PRKCH: variants seen among roughly 807,000 people sequenced by gnomAD.
The protein encoded by PRKCH is protein kinase C eta type.
PRKCH carries 28 observed loss-of-function variants against 82.5 expected under a neutral mutation model. The observed-to-expected ratio is 0.34, with a 90% CI of 0.25 to 0.47. The LOEUF (loss-of-function observed/expected upper bound fraction) is 0.47. PRKCH is among the 20% of genes least tolerant of loss of function. The pLI is 1.00. For synonymous variants in PRKCH, 322 were observed against 327.4 expected, an observed-to-expected ratio of 0.98 and a Z score of 0.18; for missense variants, 705 against 881.8, an observed-to-expected ratio of 0.80 and a Z score of 2.54.
At chr14:61,210,565 TATC>T (rs1381131709) in intron 1 of PRKCH, among the ~76,000 whole-genome samples, 3 of 152,170 alleles carry the variant, frequency 2.0e-5, no homozygotes, top group South Asian at 2.1e-4. Flanking sequence ...ATTCTGTACT[TATC>T]ATGATAACCT....
chr14:61,461,439 A>G (rs990693121), intron 9 of PRKCH, among the ~76,000 whole-genome samples: 1 of 152,190 alleles, frequency 6.6e-6, no homozygotes, highest in African/African-American at 2.4e-5. Context: ...CATGAACACC[A>G]TGAGTCAAGC....
chr14:61,209,259 T>C (rs1300065724), intron 1 of PRKCH, among the ~76,000 whole-genome samples: 1 of 147,778 alleles, frequency 6.8e-6, no homozygotes, highest in Non-Finnish European at 1.5e-5. Flanking sequence ...TTACCCAGCC[T>C]GTGGTATTCT....
At chr14:61,451,268 A>C (rs888791626) in intron 6 of PRKCH, among the ~76,000 whole-genome samples, 1 of 152,202 alleles carries the variant, frequency 6.6e-6, no homozygotes, top group African/African-American at 2.4e-5. Flanking sequence ...TGGAAGAGAA[A>C]AAGATGGGAT....
chr14:61,519,812 A>C (rs2042879019), intron 10 of PRKCH, among the ~76,000 whole-genome samples: 2 of 152,164 alleles, frequency 1.3e-5, no homozygotes, highest in Admixed American at 6.5e-5. Flanking sequence ...GGGCTATTGA[A>C]AATATAAATG....
In PRKCH at chr14:61,322,255, G is replaced by C. The variant is rs148375974; in HGVS notation, c.154G>C (p.Val52Leu). The C allele has an allele frequency of 6.2e-7, 1 of 1,613,188 alleles. No homozygotes were observed. The highest frequency in any genetic ancestry group is 8.5e-7 in the Non-Finnish European group (1 of 1,179,872). The change falls in exon 1 of 14, where the codon GTG (valine) becomes CTG (leucine). Residue 52 changes from valine (V) to leucine (L), a missense_variant. Transcript: ENST00000332981. ...DPYLTVSVDQ[V>L]RVGQTSTKQK... ...CTATCTGACGGTGAGCGTGGACCAGGTGCGCGTGGGCCAGACCAGCACCAA... is the reference window on the plus strand; with the variant it reads ...CTATCTGACGGTGAGCGTGGACCAGCTGCGCGTGGGCCAGACCAGCACCAA...
At chr14:61,462,010 G>A (rs1433537398) in intron 9 of PRKCH, among the ~76,000 whole-genome samples, 2 of 152,148 alleles carry the variant, frequency 1.3e-5, no homozygotes, top group East Asian at 3.8e-4. Flanking sequence ...CTGCCATTGC[G>A]GTTTAAGATG....
chr14:61,213,983 A>C (rs573329627), intron 1 of PRKCH, among the ~76,000 whole-genome samples: 1 of 152,342 alleles, frequency 6.6e-6, no homozygotes, highest in South Asian at 2.1e-4. Flanking sequence ...CACACATTAA[A>C]CAAGTTAGCA....
At chr14:61,414,588 C>CTTTT (rs1159456993) in intron 2 of PRKCH, among the ~76,000 whole-genome samples, 1 of 128,308 alleles carries the variant, frequency 7.8e-6, no homozygotes, top group African/African-American at 2.9e-5. Context: ...TTCATTTATT[C>CTTTT]TTTTTTTTTT....
chr14:61,409,815 TTATCTC>T (rs1296239574), intron 2 of PRKCH, among the ~76,000 whole-genome samples: 2 of 152,174 alleles, frequency 1.3e-5, no homozygotes, highest in Admixed American at 1.3e-4. Context: ...TATTAATTTC[TTATCTC>T]TAGAGATTGA....
At chr14:61,211,135 G>A (rs1313720268) in intron 1 of PRKCH, among the ~76,000 whole-genome samples, 1 of 152,186 alleles carries the variant, frequency 6.6e-6, no homozygotes, top group Non-Finnish European at 1.5e-5. Flanking sequence ...GAATTGCCCT[G>A]CAGAAGAAGC....
Position 61,280,743 on chromosome 14 carries a change from T to A in PRKCH, c.-19+93075T>A, listed in dbSNP as rs1205827805. ...CAGGGTGGCGCAGCGCGCTGGGGAG[T>A]CCGCTCAGCTGCGCGTCGTCGCGGG... On this transcript the variant is annotated intron_variant, in intron 1 of 3. Transcript: ENST00000555185. This position sits in a 1 kb window ranked among gnomAD's most constrained non-coding sequence, Gnocchi z 5.0. The A allele has an allele frequency of 1.9e-6, 3 of 1,569,308 alleles. No homozygotes were observed. The highest frequency in any genetic ancestry group is 1.8e-5 in the Admixed American group (1 of 54,204).
At chr14:61,323,745 T>G (rs2045660940) in intron 1 of PRKCH, among the ~76,000 whole-genome samples, 1 of 152,258 alleles carries the variant, frequency 6.6e-6, no homozygotes, top group African/African-American at 2.4e-5. Flanking sequence ...CCTAATTTAC[T>G]TTGTGGTACT....
chr14:61,511,239 T>C (rs1463668316), intron 10 of PRKCH, among the ~76,000 whole-genome samples: 1 of 152,180 alleles, frequency 6.6e-6, no homozygotes, highest in Non-Finnish European at 1.5e-5. Flanking sequence ...GGTTCGGATG[T>C]AGAATTATTA....
intron 1 of PRKCH, among the ~76,000 whole-genome samples, chr14:61,313,862 C>T (rs1001258123): frequency 6.6e-6 from 1 of 152,182 alleles, no homozygotes; most frequent in Non-Finnish European, 1.5e-5. Flanking sequence ...CTGGGTCCCT[C>T]CTACAACACG....
intron 2 of PRKCH, among the ~76,000 whole-genome samples, chr14:61,410,593 T>G (rs1439717138): frequency 6.6e-6 from 1 of 152,228 alleles, no homozygotes; most frequent in Admixed American, 6.5e-5. Context: ...GCACCAATTG[T>G]GGCCAATGGA....
chr14:61,303,346 A>C (rs1471084937), intron 1 of PRKCH: 2 of 152,050 alleles, frequency 1.3e-5, no homozygotes, highest in African/African-American at 4.8e-5. Flanking sequence ...TAATTTTCAT[A>C]TCTTGCTTCT....
intron 1 of PRKCH, among the ~76,000 whole-genome samples, chr14:61,294,613 A>T (rs1383688911): frequency 6.6e-6 from 1 of 152,098 alleles, no homozygotes; most frequent in Non-Finnish European, 1.5e-5. Context: ...TATTGATGGA[A>T]TATAAGATGA....
chr14:61,494,681 T>C (rs1886588642), intron 10 of PRKCH, among the ~76,000 whole-genome samples: 1 of 152,244 alleles, frequency 6.6e-6, no homozygotes, highest in South Asian at 2.1e-4. Context: ...TTTGCATATG[T>C]GCTGTCACCT....
chr14:61,521,837 A>G lies in PRKCH; in HGVS notation c.1434-7238A>G, dbSNP rs74706634. Among the ~76,000 whole-genome samples the G allele has an allele frequency of 6.0e-4, 92 of 152,250 alleles. 2 individuals carry two copies. In the East Asian group the frequency reaches 0.017, roughly 27 times the overall value. On this transcript the variant is annotated intron_variant, in intron 10 of 13. Coordinates refer to ENST00000332981, the MANE Select transcript of PRKCH (RefSeq NM_006255.5). ...GCTCTGCTACCCTACTCTAAGTATAATTTGTCACTAGTTTTTGTAGTCTCA... is the reference window on the plus strand; with the variant it reads ...GCTCTGCTACCCTACTCTAAGTATAGTTTGTCACTAGTTTTTGTAGTCTCA...
Sources: allele counts gnomAD v4.1 joint callset (sites outside exome capture counted in the v4.1 genomes callset), GRCh38; gene constraint gnomAD v4.1.1; non-coding constraint Gnocchi (gnomAD v3.1); transcripts MANE v1.5; gene names NCBI Gene and HGNC (gene_info 2026-07-23, HGNC 2026-07-21).